Variants in PIEZO1 observed in about 807,000 individuals in gnomAD.
PIEZO1 encodes the protein piezo-type mechanosensitive ion channel component 1.
A neutral mutation model predicts 297.2 loss-of-function variants in PIEZO1; 296 were observed. The ratio of observed to expected loss-of-function variants is 1.00; its 90% CI spans 0.91 to 1.10. The LOEUF (loss-of-function observed/expected upper bound fraction) is 1.10. Among genes scored for constraint, PIEZO1 ranks in the 50% least tolerant of loss-of-function variants. PIEZO1 has a pLI of 0.00. For missense variants in PIEZO1, 5,018 were observed against 3,455.5 expected (o/e 1.45, Z -11.34); for synonymous variants, 2,427 against 1,507.5 (o/e 1.61, Z -14.13).
chr16:88,724,169 G>C (rs569996521), intron 30 of PIEZO1, among the ~76,000 whole-genome samples, 198 bp from the exon 31 acceptor site: 1 of 152,240 alleles, frequency 6.6e-6, no homozygotes, highest in African/African-American at 2.4e-5. Context: ...GAGCCAGCGC[G>C]GGCTGGGGTG....
chr16:88,774,691 AG>A (rs1350480545), intron 1 of PIEZO1, among the ~76,000 whole-genome samples: 1 of 152,220 alleles, frequency 6.6e-6, no homozygotes, highest in Non-Finnish European at 1.5e-5. Flanking sequence ...ATGGGGCCCA[AG>A]GGCAAAGAGA....
At position 88,733,746 on chromosome 16, in the gene PIEZO1, C is replaced by CTGTGATGG. The variant is rs1012235700; in HGVS notation, c.2330-9_2330-2dup. 101 of 1,541,892 alleles carry CTGTGATGG rather than the reference C, an allele frequency of 6.6e-5. No individual in the cohort carries two copies. The East Asian group carries it at 2.2e-3, about 33-fold the overall frequency. On this transcript the variant is annotated splice_acceptor_variant, in intron 17 of 50. Coordinates refer to ENST00000301015, the MANE Select transcript of PIEZO1 (RefSeq NM_001142864.4). LOFTEE classifies it high-confidence loss of function. Reference sequence around the variant, plus strand: ...GCCACCAGGCCCCACTTGGCTGCCCCTGTGATGGTGTGAGGGTCAGTGCGG... The same window carrying CTGTGATGG: ...GCCACCAGGCCCCACTTGGCTGCCCCTGTGATGGTGTGATGGTGTGAGGGTCAGTGCGG...
rs59446030 is a variant in PIEZO1 at position 88,733,964 on chromosome 16, G to GTCCTCCTCC, written c.2262_2270dup (p.Glu754_Glu756dup). The GTCCTCCTCC allele has an allele frequency of 6.2e-5, 94 of 1,523,282 alleles. No homozygotes were observed. The highest frequency in any genetic ancestry group is 1.2e-4 in the South Asian group (10 of 81,926). 94.4% of individuals were successfully genotyped at this position (1,523,282 alleles called of 1,614,324 possible). A position where few individuals can be genotyped will look rare whatever the true frequency, so the allele number is the denominator to read the frequency against. On this transcript the variant is annotated inframe_insertion, in exon 17 of 51. Transcript: ENST00000301015. ...CCACGCCCAGCCCCTCGTCCCTGGAGTCCTCCTCCTCCTCCTCCTCCTCCT... is the reference window on the plus strand; with the variant it reads ...CCACGCCCAGCCCCTCGTCCCTGGAGTCCTCCTCCTCCTCCTCCTCCTCCTCCTCCTCCT...
At chr16:88,763,075 G>A (rs1310101457) in intron 1 of PIEZO1, among the ~76,000 whole-genome samples, 1 of 152,234 alleles carries the variant, frequency 6.6e-6, no homozygotes, top group African/African-American at 2.4e-5. Flanking sequence ...TGGACAGGGT[G>A]CAGGTCCAGG....
rs1008288721 is a variant in PIEZO1, at chr16:88,721,968, G to C, written c.5054C>G (p.Ala1685Gly). 6.5e-6 allele frequency: 10 copies of C among 1,549,928 alleles called. No individual in the cohort carries two copies. The Admixed American group carries it at 1.2e-4, about 18-fold the overall frequency. The stretch of plus-strand genomic sequence containing the variant: ...GAAGTAGCAGAGCAGCTCCGAGTGG[G>C]CGGCCACACACTGGTACACGGCCCG... Reference protein sequence around the residue: ...LLRAVYQCVAAHSELLCYFII... With the variant: ...LLRAVYQCVAGHSELLCYFII... Residue 1685 changes from alanine to glycine, a missense_variant, in exon 37 of 51, where the codon GCC becomes GGC. Ala to Gly is a moderately conservative substitution (Grantham distance 60). Transcript: ENST00000301015.
chr16:88,756,945 G>A (rs991160671), intron 1 of PIEZO1, among the ~76,000 whole-genome samples: 5 of 151,904 alleles, frequency 3.3e-5, no homozygotes, highest in Admixed American at 6.6e-5. Context: ...GTGTGGTGGC[G>A]GGCACCTGTA....
rs143811188 is a variant in PIEZO1 at position 88,766,862 on chromosome 16, C to T, written c.65-17383G>A. 6.1e-3 allele frequency among the ~76,000 whole-genome samples: 925 copies of T among 152,338 alleles called. 12 individuals carry two copies. The highest frequency in any genetic ancestry group is 0.024 in the East Asian group (124 of 5,184). On this transcript the variant is annotated intron_variant, in intron 1 of 50. Transcript: ENST00000301015. ...CAGGCCACGAGGGCCGGGGCCACCC[C>T]AGGTTGGAACCCTGGGCCCAAACTG...
chr16:88,736,707 A>G lies in PIEZO1; in HGVS notation c.1228T>C (p.Ser410Pro). The G allele has an allele frequency of 6.5e-7, 1 of 1,532,718 alleles. No homozygotes were observed. The highest frequency in any genetic ancestry group is 8.7e-7 in the Non-Finnish European group (1 of 1,145,464). 94.9% of individuals were successfully genotyped at this position (1,532,718 alleles called of 1,614,324 possible). ...RPKRAEPREA[S>P]PLHSLGHLIM... ...AGGTGGCCCAGGCTGTGGAGCGGAG[A>G]CGCCTCCCTGGGCTCAGCCCGCTTG... is the stretch of plus-strand genomic sequence containing the variant. The change falls in exon 11 of 51, where the codon TCT (serine) becomes CCT (proline). Residue 410 changes from serine to proline, a missense_variant. Ser to Pro is a moderately conservative substitution (Grantham distance 74). Transcript: ENST00000301015.
In PIEZO1 at chr16:88,725,447, G is replaced by T; in HGVS notation, c.4131C>A (p.Thr1377=). 1.3e-6 allele frequency: 2 copies of T among 1,485,620 alleles called. No homozygotes were observed. The highest frequency in any genetic ancestry group is 1.8e-6 in the Non-Finnish European group (2 of 1,115,014). 92.0% of individuals were successfully genotyped at this position (1,485,620 alleles called of 1,614,324 possible). ...CCAGGCCGGGGTCCTTGGGGCCCAG[G>T]GTGTCCTGGGGGCGACTGCGGTCCA... ...GRVDRSRPQD[T]LGPKDPGLEP... The change falls in exon 29 of 51, where the codon ACC becomes ACA. Residue 1377 remains threonine (T), a synonymous_variant. Transcript: ENST00000301015.
At chr16:88,731,341 A>C (rs1211239138) in intron 22 of PIEZO1, 3 of 249,276 alleles carry the variant, frequency 1.2e-5, no homozygotes, top group Non-Finnish European at 2.3e-5. Context: ...ACCCTCACCC[A>C]GGAGACGCAT....
chr16:88,736,356 G>C lies in PIEZO1; in HGVS notation c.1349C>G (p.Ala450Gly), dbSNP rs1182973859. 1.3e-6 allele frequency: 2 copies of C among 1,550,052 alleles called. No individual in the cohort carries two copies. Among genetic ancestry groups the C allele is most frequent in the South Asian group, 2.4e-5 (2 of 84,052 alleles). Residue 450 changes from alanine (A) to glycine (G), a missense_variant, in exon 12 of 51, where the codon GCC (alanine) becomes GGC (glycine). Ala to Gly is a moderately conservative substitution (Grantham distance 60). Transcript: ENST00000301015. ...SWLTFVLLLW[A>G]CLIWTVRSRH... The stretch of plus-strand genomic sequence containing the variant: ...GCTGCGCACCGTCCAGATGAGGCAG[G>C]CCCAGAGCAGCAGTACGAAGGTCAG...
intron 30 of PIEZO1, among the ~76,000 whole-genome samples, 185 bp downstream of exon 30, chr16:88,724,824 G>A (rs994467945): frequency 6.6e-6 from 1 of 152,180 alleles, no homozygotes; most frequent in Non-Finnish European, 1.5e-5. Context: ...AGCCAGGAGA[G>A]GACATAGTCA....
Position 88,737,778 on chromosome 16 carries a change from G to T in PIEZO1, c.1057C>A (p.Leu353Met). ...CACTGGTCCAGCTCTGCTAGCTCCA[G>T]CTCCCGAGCCTCATACCCCTTTGCC... ...EAAKGYEARE[L>M]ELAELDQWPQ... The change falls in exon 9 of 51, where the codon CTG (leucine) becomes ATG (methionine). Residue 353 changes from leucine to methionine, a missense_variant. By Grantham distance (15) the Leu-to-Met change is conservative. Transcript: ENST00000301015. 1 of 1,535,782 alleles carries T rather than the reference G, an allele frequency of 6.5e-7. No individual in the cohort carries two copies. The highest frequency in any genetic ancestry group is 8.7e-7 in the Non-Finnish European group (1 of 1,146,736).
rs1203592962 is a variant in PIEZO1 at position 88,723,955 on chromosome 16, G to A, written c.4251C>T (p.Asp1417=). The change falls in exon 31 of 51, where the codon GAC becomes GAT. Residue 1417 remains aspartate, a synonymous_variant. Coordinates refer to ENST00000301015, the MANE Select transcript of PIEZO1 (RefSeq NM_001142864.4). ...LDHATVIHSG[D]YFLFESDSEE... is the part of the protein sequence containing the mutation. Reference sequence around the variant, plus strand: ...CACTGTCGGACTCAAACAGGAAGTAGTCCCCGGAGTGGATGACTGTGGGCA... The same window carrying A: ...CACTGTCGGACTCAAACAGGAAGTAATCCCCGGAGTGGATGACTGTGGGCA... 2 of 1,547,150 alleles carry A rather than the reference G, an allele frequency of 1.3e-6. No homozygotes were observed. Among genetic ancestry groups the A allele is most frequent in the South Asian group, 2.4e-5 (2 of 84,016 alleles).
At position 88,721,990 on chromosome 16, in the gene PIEZO1, C is replaced by CCCGCAGCAG. The variant is rs1912495466; in HGVS notation, c.5023_5031dup (p.Leu1675_Arg1677dup). 1 of 1,549,626 alleles carries CCCGCAGCAG rather than the reference C, an allele frequency of 6.5e-7. No homozygotes were observed. The highest frequency in any genetic ancestry group is 8.7e-7 in the Non-Finnish European group (1 of 1,146,764). On this transcript the variant is annotated inframe_insertion, in exon 37 of 51. Coordinates refer to ENST00000301015, the MANE Select transcript of PIEZO1 (RefSeq NM_001142864.4). ...TGGGCGGCCACACACTGGTACACGG[C>CCCGCAGCAG]CCGCAGCAGCCGCAGCGCCCGGCCC...
At position 88,755,170 on chromosome 16, in the gene PIEZO1, G is replaced by C. The variant is rs568403816; in HGVS notation, c.65-5691C>G. On this transcript the variant is annotated intron_variant, in intron 1 of 50. Transcript: ENST00000301015. ...ACTGTCACCTCCACATTGCAGACGAGGAGATGGAGCAAGCCTGGGATGCGG... is the reference window on the plus strand; with the variant it reads ...ACTGTCACCTCCACATTGCAGACGACGAGATGGAGCAAGCCTGGGATGCGG... Among the ~76,000 whole-genome samples the C allele has an allele frequency of 3.3e-4, 50 of 152,336 alleles. No homozygotes were observed. The South Asian group carries it at 0.01, about 32-fold the overall frequency.
intron 2 of PIEZO1, among the ~76,000 whole-genome samples, chr16:88,749,086 A>C (rs532843905): frequency 1.8e-4 from 28 of 151,430 alleles, no homozygotes; most frequent in African/African-American, 4.6e-4. Flanking sequence ...AAATACAAAA[A>C]AAAATAAGCC....
Position 88,738,713 on chromosome 16 carries a change from A to C in PIEZO1, c.489T>G (p.Asp163Glu). 3 of 1,533,260 alleles carry C rather than the reference A, an allele frequency of 2.0e-6. No individual in the cohort carries two copies. The highest frequency in any genetic ancestry group is 1.2e-5 in the South Asian group (1 of 83,988). The allele number at this position is 1,533,260 out of a possible 1,614,324, so 95.0% of individuals were successfully genotyped here. Reference protein sequence around the residue: ...RELDDDERDVDASPTAGLQEA... With the variant: ...RELDDDERDVEASPTAGLQEA... Reference sequence around the variant, plus strand: ...CCTGCAGCCCTGCCGTCGGGCTGGCATCCACATCCCTCTCATCATCATCCT... The same window carrying C: ...CCTGCAGCCCTGCCGTCGGGCTGGCCTCCACATCCCTCTCATCATCATCCT... Residue 163 changes from aspartate to glutamate, a missense_variant, in exon 6 of 51, where the codon GAT (aspartate) becomes GAG (glutamate). Transcript: ENST00000301015.
chr16:88,780,730 G>A (rs1265459869), intron 1 of PIEZO1, among the ~76,000 whole-genome samples: 1 of 152,266 alleles, frequency 6.6e-6, no homozygotes. Flanking sequence ...GGAGGCTGAG[G>A]CGGGCAGATC....
Sources: allele counts gnomAD v4.1 joint callset (sites outside exome capture counted in the v4.1 genomes callset), GRCh38; gene constraint gnomAD v4.1.1; transcripts MANE v1.5; gene names NCBI Gene and HGNC (gene_info 2026-07-23, HGNC 2026-07-21).